The following TMEM132B variants were observed in gnomAD, a reference collection of about 807,000 sequenced individuals.
TMEM132B encodes the protein transmembrane protein 132B.
In TMEM132B, 18 loss-of-function variants were observed where a neutral mutation model predicts 90.8. The observed-to-expected ratio is 0.20, with a 90% CI of 0.14 to 0.29. TMEM132B has a LOEUF of 0.29. TMEM132B is among the 10% of genes least tolerant of loss of function. TMEM132B has a pLI of 1.00. For synonymous variants in TMEM132B, 504 were observed against 523.3 expected (o/e 0.96, Z 0.50); for missense variants, 1,096 against 1,326.8 (o/e 0.83, Z 2.70).
At chr12:125,293,062 G>A (rs747193130) in intron 1 of TMEM132B, among the ~76,000 whole-genome samples, 42 of 152,164 alleles carry the variant, frequency 2.8e-4, no homozygotes, top group Non-Finnish European at 8.8e-5. Context: ...TGGGAGCTGG[G>A]GAGCTCAGTG....
intron 2 of TMEM132B, among the ~76,000 whole-genome samples, chr12:125,389,892 A>G (rs1878958785): frequency 6.6e-6 from 1 of 152,242 alleles, no homozygotes; most frequent in South Asian, 2.1e-4. Flanking sequence ...AGAAAACTTT[A>G]TATAGACATA....
chr12:125,296,092 C>G (rs998493786), intron 1 of TMEM132B, among the ~76,000 whole-genome samples: 8 of 152,188 alleles, frequency 5.3e-5, no homozygotes, highest in African/African-American at 1.9e-4. Flanking sequence ...CTTCTGATAC[C>G]CGAGTCTGAT....
intron 4 of TMEM132B, among the ~76,000 whole-genome samples, chr12:125,563,506 C>A (rs1884588873): frequency 6.6e-6 from 1 of 151,876 alleles, no homozygotes; most frequent in South Asian, 2.1e-4. Context: ...GCAGAGGTTG[C>A]AGTGAGCTGA....
At chr12:125,554,666 G>A (rs1188713279) in intron 4 of TMEM132B, among the ~76,000 whole-genome samples, 1 of 151,880 alleles carries the variant, frequency 6.6e-6, no homozygotes, top group Non-Finnish European at 1.5e-5. Context: ...ACATCCTCTG[G>A]AACTTTTCTT....
At chr12:125,308,114 G>GTA (rs1379257068) in intron 1 of TMEM132B, among the ~76,000 whole-genome samples, 1 of 144,470 alleles carries the variant, frequency 6.9e-6, no homozygotes, top group South Asian at 2.1e-4. Context: ...TATATTACAA[G>GTA]TATATATATA....
chr12:125,239,664 G>T (rs1874019863), intron 1 of TMEM132B, among the ~76,000 whole-genome samples: 1 of 152,226 alleles, frequency 6.6e-6, no homozygotes, highest in Non-Finnish European at 1.5e-5. Context: ...AGAATTGAGT[G>T]TGGCAGCCTG....
At chr12:125,326,724 A>C (rs1324868612) in intron 1 of TMEM132B, 1 of 1,568,888 alleles carries the variant, frequency 6.4e-7, no homozygotes, top group Admixed American at 1.9e-5. Context: ...GGATGGGACC[A>C]GACCCAAGGG....
At chr12:125,573,263 T>C in intron 4 of TMEM132B, among the ~76,000 whole-genome samples, 1 of 152,186 alleles carries the variant, frequency 6.6e-6, no homozygotes, top group Non-Finnish European at 1.5e-5. Context: ...TATACATAGG[T>C]AGACACATGT....
chr12:125,455,665 T>C (rs973841697), intron 3 of TMEM132B, among the ~76,000 whole-genome samples: 2 of 150,772 alleles, frequency 1.3e-5, no homozygotes, highest in Admixed American at 1.3e-4. Context: ...TCTTCAAGGG[T>C]TGGATTTTTT....
intron 5 of TMEM132B, among the ~76,000 whole-genome samples, chr12:125,623,651 T>A (rs895430372): frequency 1.3e-5 from 2 of 152,254 alleles, no homozygotes; most frequent in South Asian, 2.1e-4. Context: ...AGTCCTGGCA[T>A]CTTATAAGCA....
intron 1 of TMEM132B, among the ~76,000 whole-genome samples, chr12:125,229,184 C>T (rs958696990): frequency 1.7e-4 from 26 of 152,186 alleles, no homozygotes; most frequent in Non-Finnish European, 8.8e-5. Flanking sequence ...ATGGCTTAAG[C>T]TGCTTTTAGT....
At chr12:125,620,907 G>A (rs778915278) in intron 5 of TMEM132B, among the ~76,000 whole-genome samples, 7 of 152,208 alleles carry the variant, frequency 4.6e-5, no homozygotes, top group Admixed American at 2.6e-4. Flanking sequence ...CCAATGACAT[G>A]TGGGGATTAT....
intron 1 of TMEM132B, among the ~76,000 whole-genome samples, chr12:125,287,179 C>T (rs1565993359): frequency 6.6e-6 from 1 of 152,052 alleles, no homozygotes; most frequent in East Asian, 1.9e-4. Flanking sequence ...TTCCTCCCTC[C>T]CTCCTCTGCT....
intron 5 of TMEM132B, among the ~76,000 whole-genome samples, chr12:125,641,182 G>A (rs1284193105): frequency 1.3e-5 from 2 of 152,218 alleles, no homozygotes; most frequent in Non-Finnish European, 2.9e-5. Flanking sequence ...GGCAGAGCGA[G>A]TACTTGCTTG....
chr12:125,349,489 G>A lies in TMEM132B; in HGVS notation c.105G>A (p.Lys35=), dbSNP rs1395048634. ...ESRGIVDSLQ[K]FSSLPAYLPT... ...GAGGGATTGTGGATAGCCTGCAGAAGTTTTCCTCGCTCCCTGCTTACCTCC... is the reference window on the plus strand; with the variant it reads ...GAGGGATTGTGGATAGCCTGCAGAAATTTTCCTCGCTCCCTGCTTACCTCC... The change falls in exon 2 of 9, where the codon AAG becomes AAA. Residue 35 remains lysine (K), a synonymous_variant. Transcript: ENST00000682704. The surrounding 1 kb of genome is among the most constrained non-coding windows in gnomAD (Gnocchi z 4.1). The A allele has an allele frequency of 2.5e-6, 4 of 1,613,658 alleles. No homozygotes were observed. The highest frequency in any genetic ancestry group is 1.7e-6 in the Non-Finnish European group (2 of 1,179,790).
chr12:125,598,206 A>G (rs1245972011), intron 5 of TMEM132B, among the ~76,000 whole-genome samples: 1 of 152,190 alleles, frequency 6.6e-6, no homozygotes, highest in Non-Finnish European at 1.5e-5. Flanking sequence ...ACACGCCATT[A>G]TTTTAATGAA....
chr12:125,535,408 T>A (rs1306233264), intron 4 of TMEM132B, among the ~76,000 whole-genome samples: 1 of 152,192 alleles, frequency 6.6e-6, no homozygotes, highest in East Asian at 1.9e-4. Flanking sequence ...CTGCTGAGAT[T>A]TAAAGGGTTG....
intron 3 of TMEM132B, among the ~76,000 whole-genome samples, chr12:125,418,307 G>C (rs1453665198): frequency 6.6e-6 from 1 of 152,102 alleles, no homozygotes; most frequent in Non-Finnish European, 1.5e-5. Flanking sequence ...AGTTATATAA[G>C]CAGAGTTACA....
chr12:125,447,536 A>G (rs796377019), intron 3 of TMEM132B, among the ~76,000 whole-genome samples: 74 of 152,312 alleles, frequency 4.9e-4, no homozygotes, highest in African/African-American at 1.7e-3. Context: ...TCTATAAATG[A>G]TAAGACATAA....
Sources: gnomAD v4.1 joint callset for allele counts (sites outside exome capture counted in the v4.1 genomes callset) on GRCh38, gnomAD v4.1.1 for gene constraint, Gnocchi (gnomAD v3.1) non-coding constraint, MANE v1.5 for transcripts, NCBI Gene and HGNC (gene_info 2026-07-23, HGNC 2026-07-21) for gene names.